Variants in GLYATL2 observed in about 807,000 individuals in gnomAD.
GLYATL2 encodes glycine-N-acyltransferase like 2.
Under a neutral mutation model 21.4 loss-of-function variants are expected in GLYATL2, and 25 were observed. The observed-to-expected ratio is 1.17, with a 90% CI of 0.85 to 1.63. The LOEUF (loss-of-function observed/expected upper bound fraction) is 1.63, where lower values mean the gene tolerates loss of function less well. Among genes scored for constraint, GLYATL2 ranks in the 40% most tolerant of loss-of-function variants. The probability of loss-of-function intolerance (pLI) is 0.00; values close to 1 mark genes in which losing one functional copy is unlikely to be tolerated. For missense variants in GLYATL2, 361 were observed against 343.3 expected (o/e 1.05, Z -0.41); for synonymous variants, 114 against 118.2 (o/e 0.96, Z 0.23).
At chr11:58,899,248 C>T (rs1854689890) in intron 1 of GLYATL2, among the ~76,000 whole-genome samples, 1 of 152,054 alleles carries the variant, frequency 6.6e-6, no homozygotes, top group Non-Finnish European at 1.5e-5. Flanking sequence ...CTGATCTTCC[C>T]TCCACTCCCA....
chr11:58,835,335 A>G (rs1364374012), intron 5 of GLYATL2, among the ~76,000 whole-genome samples: 2 of 152,214 alleles, frequency 1.3e-5, no homozygotes, highest in Non-Finnish European at 2.9e-5. Flanking sequence ...ATGTGTCCCA[A>G]AGCCCTTCAT....
At chr11:58,845,513 A>G (rs1012256447), upstream of GLYATL2, among the ~76,000 whole-genome samples, 1 of 152,158 alleles carries the variant, frequency 6.6e-6, no homozygotes, top group African/African-American at 2.4e-5. Flanking sequence ...TGAGATGGAA[A>G]GATTACGTGA....
chr11:58,903,269 C>A (rs1854770013), intron 1 of GLYATL2, among the ~76,000 whole-genome samples: 3 of 152,084 alleles, frequency 2.0e-5, no homozygotes, highest in African/African-American at 7.2e-5. Context: ...AAATACAGGG[C>A]ACCTAAGACA....
At chr11:58,874,015 G>A (rs559425586) in intron 1 of GLYATL2, among the ~76,000 whole-genome samples, 1 of 152,148 alleles carries the variant, frequency 6.6e-6, no homozygotes, top group Non-Finnish European at 1.5e-5. Flanking sequence ...TTAGTCTTGG[G>A]AGAGTGTATG....
At chr11:58,862,056 CAAACAAAAAA>C (rs59952726) in intron 1 of GLYATL2, among the ~76,000 whole-genome samples, 134,262 of 150,040 alleles carry the variant, frequency 0.89, 60,535 homozygotes, top group Non-Finnish European at 0.98. Flanking sequence ...AACAAACAAA[CAAACAAAAAA>C]AAACAGATTT....
At chr11:58,898,857 C>A (rs952428830) in intron 1 of GLYATL2, among the ~76,000 whole-genome samples, 2 of 152,082 alleles carry the variant, frequency 1.3e-5, no homozygotes, top group South Asian at 2.1e-4. Flanking sequence ...AAAATTCTTT[C>A]TCCAATATTT....
chr11:58,905,559 A>G (rs1210354893), upstream of GLYATL2: 1 of 456,244 alleles, frequency 2.2e-6, no homozygotes, highest in Admixed American at 2.3e-5. Context: ...GGCATCTCCC[A>G]TACCCACCCG....
Position 58,837,270 on chromosome 11 carries a change from C to G in GLYATL2, c.313+1G>C. 4 of 1,613,724 alleles carry G rather than the reference C, an allele frequency of 2.5e-6. No homozygotes were observed. Among genetic ancestry groups the G allele is most frequent in the Non-Finnish European group, 2.5e-6 (3 of 1,179,804 alleles). Reference sequence around the variant, plus strand: ...TTTTTCTTTTAACTCAGACTAGTTACCTTGGATCTGCAAAGTTTGCTCCCA... The same window carrying G: ...TTTTTCTTTTAACTCAGACTAGTTAGCTTGGATCTGCAAAGTTTGCTCCCA... On this transcript the variant is annotated splice_donor_variant, in intron 4 of 5. Transcript: ENST00000287275. LOFTEE classifies it high-confidence loss of function.
Position 58,834,475 on chromosome 11 carries a change from GGACAAATCTTAAAC to G in GLYATL2, c.825_838del (p.Phe276LeufsTer32). The G allele has an allele frequency of 6.2e-7, 1 of 1,609,970 alleles. No individual in the cohort carries two copies. The highest frequency in any genetic ancestry group is 8.5e-7 in the Non-Finnish European group (1 of 1,178,304). Reference sequence around the variant, plus strand: ...GCATTTCCACTGATGCCAGCCACAAGGACAAATCTTAAACCCCAAATTGTTCAGTGCCTGTAGGC... The same window carrying G: ...GCATTTCCACTGATGCCAGCCACAAGCCCAAATTGTTCAGTGCCTGTAGGC... On this transcript the variant is annotated frameshift_variant, in exon 6 of 6. Transcript: ENST00000287275. LOFTEE classifies it high-confidence loss of function.
At chr11:58,840,694 C>T (rs887848246) in intron 1 of GLYATL2, 4 of 151,786 alleles carry the variant, frequency 2.6e-5, no homozygotes, top group African/African-American at 7.3e-5. Context: ...AAAAAACTAC[C>T]TGGGTGTGGT....
chr11:58,865,762 T>C (rs3901271), intron 1 of GLYATL2, among the ~76,000 whole-genome samples: 23,213 of 148,710 alleles, frequency 0.16, 3,098 homozygotes, highest in African/African-American at 0.19. Flanking sequence ...ACCACTGTTT[T>C]AGGACATGAC....
At chr11:58,845,499 A>G (rs1383121328), upstream of GLYATL2, among the ~76,000 whole-genome samples, 1 of 152,146 alleles carries the variant, frequency 6.6e-6, no homozygotes, top group Non-Finnish European at 1.5e-5. Flanking sequence ...ACTACTCAGC[A>G]GACTGAGATG....
At chr11:58,861,642 T>C (rs1196407086) in intron 1 of GLYATL2, among the ~76,000 whole-genome samples, 1 of 151,998 alleles carries the variant, frequency 6.6e-6, no homozygotes, top group Non-Finnish European at 1.5e-5. Flanking sequence ...TTCCGTGAAG[T>C]GTAACATTTG....
intron 1 of GLYATL2, among the ~76,000 whole-genome samples, chr11:58,882,774 G>A (rs1304744947): frequency 3.9e-5 from 6 of 152,146 alleles, no homozygotes; most frequent in Non-Finnish European, 7.4e-5. Context: ...TGTAAGGAAG[G>A]GATCCAGTTT....
At chr11:58,891,848 T>C (rs1390277356) in intron 1 of GLYATL2, among the ~76,000 whole-genome samples, 2 of 152,144 alleles carry the variant, frequency 1.3e-5, no homozygotes, top group South Asian at 4.1e-4. Flanking sequence ...GCAATCTTGA[T>C]TGTGCTGGGT....
chr11:58,898,644 G>A (rs1280660139), intron 1 of GLYATL2, among the ~76,000 whole-genome samples: 1 of 151,828 alleles, frequency 6.6e-6, no homozygotes, highest in Non-Finnish European at 1.5e-5. Context: ...GACCATCCTG[G>A]CTAACACTGG....
At position 58,865,893 on chromosome 11, in the gene GLYATL2, C is replaced by A. The variant is rs902767479; in HGVS notation, n.61-27525G>T. ...TATTTAGGAGCAATAAAAGGAGTCC[C>A]CTATTACTTTGTAGTATAGCCAAAG... On this transcript the variant is annotated intron_variant and non_coding_transcript_variant, in intron 1 of 4. Transcript: ENST00000533636. Among the ~76,000 whole-genome samples the A allele has an allele frequency of 1.0e-4, 15 of 148,806 alleles. 1 individual carries two copies. The highest frequency in any genetic ancestry group is 3.4e-4 in the African/African-American group (14 of 41,214).
At chr11:58,874,336 G>C (rs1854185941) in intron 1 of GLYATL2, among the ~76,000 whole-genome samples, 1 of 152,142 alleles carries the variant, frequency 6.6e-6, no homozygotes, top group South Asian at 2.1e-4. Flanking sequence ...GCTAGCTTTT[G>C]AATGTGTTTG....
chr11:58,850,026 A>G (rs1179592437), intron 1 of GLYATL2, among the ~76,000 whole-genome samples: 1 of 152,228 alleles, frequency 6.6e-6, no homozygotes, highest in Non-Finnish European at 1.5e-5. Context: ...TGAGGCAAAT[A>G]TTATCCTGAT....
Sources: allele counts gnomAD v4.1 joint callset (sites outside exome capture counted in the v4.1 genomes callset), GRCh38; gene constraint gnomAD v4.1.1; transcripts MANE v1.5; gene names NCBI Gene and HGNC (gene_info 2026-07-23, HGNC 2026-07-21).